ITK: variants seen among roughly 807,000 people sequenced by gnomAD.
ITK encodes the protein tyrosine-protein kinase ITK/TSK.
ITK carries 45 observed loss-of-function variants against 87.6 expected under a neutral mutation model. The observed-to-expected ratio is 0.51, with a 90% CI of 0.40 to 0.66. ITK has a LOEUF of 0.66. ITK is among the 30% of genes least tolerant of loss of function. The pLI, the probability that ITK is intolerant of heterozygous loss-of-function variation, is 0.00. For synonymous variants in ITK, 303 were observed against 273.6 expected, an observed-to-expected ratio of 1.11 and a Z score of -1.06; for missense variants, 605 against 766.3, an observed-to-expected ratio of 0.79 and a Z score of 2.48.
intron 1 of ITK, among the ~76,000 whole-genome samples, chr5:157,190,353 A>T (rs1753729196): frequency 6.6e-6 from 1 of 152,196 alleles, no homozygotes; most frequent in Non-Finnish European, 1.5e-5. Flanking sequence ...CTCTGTATCA[A>T]GGAAACGTTT....
At chr5:157,250,503 G>A (rs951296542) in intron 16 of ITK, among the ~76,000 whole-genome samples, 2 of 150,620 alleles carry the variant, frequency 1.3e-5, no homozygotes, top group African/African-American at 2.4e-5. Context: ...GTGTTTGTTT[G>A]TTTGGGTTTG....
chr5:157,224,622 A>C (rs999141118), intron 6 of ITK, among the ~76,000 whole-genome samples: 2 of 152,106 alleles, frequency 1.3e-5, no homozygotes, highest in East Asian at 1.9e-4. Flanking sequence ...TCTACTAAAA[A>C]TACAAGAAAT....
At chr5:157,246,022 C>T in intron 15 of ITK, 23 bp downstream of exon 15, 1 of 1,504,854 alleles carries the variant, frequency 6.6e-7, no homozygotes, top group Non-Finnish European at 9.3e-7. Context: ...CTGGGCCCCA[C>T]TGCCCCATGA....
intron 5 of ITK, among the ~76,000 whole-genome samples, chr5:157,218,635 T>A (rs1157261220): frequency 6.6e-6 from 1 of 152,202 alleles, no homozygotes; most frequent in Non-Finnish European, 1.5e-5. Flanking sequence ...TAAAACTTAC[T>A]ATCCGTTCTA....
chr5:157,245,368 AT>A (rs1272860211), intron 13 of ITK: 1 of 396,616 alleles, frequency 2.5e-6, no homozygotes, highest in African/African-American at 2.1e-5. Flanking sequence ...ACATCAAAAC[AT>A]TCTTAATTTA....
chr5:157,221,094 GAA>G (rs1249105275), intron 5 of ITK, among the ~76,000 whole-genome samples: 1 of 152,014 alleles, frequency 6.6e-6, no homozygotes, highest in Non-Finnish European at 1.5e-5. Flanking sequence ...AAAAAGGAAA[GAA>G]AAATAATATA....
intron 15 of ITK, among the ~76,000 whole-genome samples, chr5:157,247,736 C>T (rs1181022457): frequency 6.6e-6 from 1 of 152,172 alleles, no homozygotes; most frequent in African/African-American, 2.4e-5. Flanking sequence ...CCTGGATGAG[C>T]TGAAAACTCC....
chr5:157,211,460 A>G (rs1754191182), intron 3 of ITK, 92 bp downstream of exon 3: 1 of 1,063,342 alleles, frequency 9.4e-7, no homozygotes, highest in Non-Finnish European at 1.5e-6. Flanking sequence ...GTGTGAGAGC[A>G]GCTGATGGCT....
intron 1 of ITK, among the ~76,000 whole-genome samples, chr5:157,203,777 C>A (rs766817955): frequency 1.3e-5 from 2 of 152,334 alleles, no homozygotes; most frequent in African/African-American, 2.4e-5. Context: ...TTTGCAGAGG[C>A]TTTTGCGGGA....
chr5:157,235,204 G>T (rs1401804137), intron 8 of ITK, among the ~76,000 whole-genome samples: 2 of 152,136 alleles, frequency 1.3e-5, no homozygotes, highest in African/African-American at 2.4e-5. Flanking sequence ...ATCACTGCAG[G>T]AGCTTTTTAA....
At chr5:157,231,911 A>G (rs566397237) in intron 7 of ITK, among the ~76,000 whole-genome samples, 20 of 152,356 alleles carry the variant, frequency 1.3e-4, no homozygotes, top group Non-Finnish European at 2.8e-4. Context: ...TAGCTGCACT[A>G]GCACCCTCCT....
intron 10 of ITK, 191 bp from the exon 11 acceptor site, chr5:157,241,455 C>T (rs1580906469): frequency 1.8e-6 from 1 of 557,596 alleles, no homozygotes; most frequent in South Asian, 2.1e-5. Context: ...GGAATTTTAC[C>T]ACTTGCCCAT....
At chr5:157,210,808 G>A (rs538147499) in intron 2 of ITK, among the ~76,000 whole-genome samples, 53 of 149,730 alleles carry the variant, frequency 3.5e-4, no homozygotes, top group Non-Finnish European at 6.8e-4. Context: ...TTGTGGTTAC[G>A]TAAGATGTCA....
chr5:157,197,813 A>C (rs1218261575), intron 1 of ITK, among the ~76,000 whole-genome samples: 2 of 152,180 alleles, frequency 1.3e-5, no homozygotes, highest in Non-Finnish European at 2.9e-5. Context: ...CTATTGATGG[A>C]TATTTAAGTT....
At chr5:157,223,080 A>T in intron 6 of ITK, 66 bp downstream of exon 6, 2 of 1,577,266 alleles carry the variant, frequency 1.3e-6, no homozygotes, top group African/African-American at 2.7e-5. Context: ...AAATACCAGG[A>T]TGATTTGTCC....
In ITK at chr5:157,244,435, G is replaced by A; in HGVS notation, c.1406G>A (p.Gly469Asp). Residue 469 changes from glycine (G) to aspartate (D), a missense_variant, in exon 13 of 17, where the codon GGC becomes GAC. Gly to Asp is a moderately conservative substitution (Grantham distance 94, BLOSUM62 -1). Coordinates refer to ENST00000422843, the MANE Select transcript of ITK (RefSeq NM_005546.4). Reference protein sequence around the residue: ...LLGMCLDVCEGMAYLEEACVI... With the variant: ...LLGMCLDVCEDMAYLEEACVI... ...GGCATGTGTCTGGATGTGTGTGAGG[G>A]CATGGCCTACCTGGAAGAGGCATGT... 1 of 1,613,720 alleles carries A rather than the reference G, an allele frequency of 6.2e-7. No homozygotes were observed. Among genetic ancestry groups the A allele is most frequent in the Non-Finnish European group, 8.5e-7 (1 of 1,179,612 alleles).
intron 13 of ITK, chr5:157,245,055 C>T (rs1002464500): frequency 1.2e-5 from 2 of 172,072 alleles, no homozygotes; most frequent in African/African-American, 4.8e-5. Context: ...GAAACCCCAT[C>T]TCTACTGAAA....
chr5:157,248,793 T>C (rs1755072548), intron 15 of ITK, 57 bp from the exon 16 acceptor site: 4 of 1,605,718 alleles, frequency 2.5e-6, no homozygotes, highest in Non-Finnish European at 3.4e-6. Context: ...GCAGGTTGGT[T>C]TGTTTGCTGT....
At chr5:157,227,875 G>A (rs1259048964) in intron 6 of ITK, among the ~76,000 whole-genome samples, 1 of 134,468 alleles carries the variant, frequency 7.4e-6, no homozygotes, top group African/African-American at 2.9e-5. Flanking sequence ...CTGTTGCCCA[G>A]GCTGGAGAGC....
Sources: allele counts gnomAD v4.1 joint callset (sites outside exome capture counted in the v4.1 genomes callset), GRCh38; gene constraint gnomAD v4.1.1; transcripts MANE v1.5; gene names NCBI Gene and HGNC (gene_info 2026-07-23, HGNC 2026-07-21).